NCOA3: variants seen among roughly 807,000 people sequenced by gnomAD.
The protein encoded by NCOA3 is CBP-interacting protein.
A neutral mutation model predicts 158.8 loss-of-function variants in NCOA3; 51 were observed. The observed-to-expected ratio is 0.32, with a 90% CI of 0.26 to 0.41. NCOA3 has a LOEUF of 0.41. Ranked by LOEUF, NCOA3 falls within the 10% of genes least tolerant of loss-of-function variation. NCOA3 has a pLI of 1.00. For missense variants in NCOA3, 1,510 were observed against 1,746.6 expected, an observed-to-expected ratio of 0.86 and a Z score of 2.41; for synonymous variants, 537 against 592.4, an observed-to-expected ratio of 0.91 and a Z score of 1.36.
At chr20:47,638,922 G>A in intron 13 of NCOA3, 86 bp from the exon 14 acceptor site, 1 of 1,020,982 alleles carries the variant, frequency 9.8e-7, no homozygotes, top group South Asian at 2.2e-5. Flanking sequence ...ACATTCTTGG[G>A]TGGGGAGTGG....
chr20:47,525,627 T>C (rs1315563439), intron 1 of NCOA3, among the ~76,000 whole-genome samples: 1 of 110,612 alleles, frequency 9.0e-6, no homozygotes, highest in Non-Finnish European at 1.8e-5. Context: ...CCCCCCCACC[T>C]CCCTCCCGGA....
chr20:47,581,731 G>T (rs2085456004), intron 1 of NCOA3, among the ~76,000 whole-genome samples: 1 of 152,166 alleles, frequency 6.6e-6, no homozygotes, highest in African/African-American at 2.4e-5. Flanking sequence ...GTTCTTACTG[G>T]TTCACTTATT....
chr20:47,614,460 A>G (rs928775634), intron 2 of NCOA3, among the ~76,000 whole-genome samples: 7 of 152,318 alleles, frequency 4.6e-5, no homozygotes, highest in Middle Eastern at 3.4e-3. Context: ...GTTCAGATCC[A>G]TAGCTCTTTG....
Position 47,637,724 on chromosome 20 carries a change from C to T in NCOA3, c.2453C>T (p.Ser818Phe), listed in dbSNP as rs2086538874. 6.2e-7 allele frequency: 1 copy of T among 1,612,078 alleles called. No homozygotes were observed. The highest frequency in any genetic ancestry group is 1.3e-5 in the African/African-American group (1 of 74,700). Residue 818 changes from serine to phenylalanine, a missense_variant, in exon 13 of 23, where the codon TCC becomes TTC. By Grantham distance (155) the Ser-to-Phe change is radical. This residue lies in a region of NCOA3 where 1,017 missense variants were observed against 1,098.3 expected (regional missense o/e 0.93). Transcript: ENST00000371998. Reference sequence around the variant, plus strand: ...TCTGACTTTTACAATAATTCCATATCCTCAAATGGTAGTCATCTGGGGACT... The same window carrying T: ...TCTGACTTTTACAATAATTCCATATTCTCAAATGGTAGTCATCTGGGGACT... ...TSSDFYNNSI[S>F]SNGSHLGTKQ...
chr20:47,539,604 AGTTT>A (rs2146125291), intron 1 of NCOA3, among the ~76,000 whole-genome samples: 1 of 152,328 alleles, frequency 6.6e-6, no homozygotes, highest in South Asian at 2.1e-4. Flanking sequence ...TTCATATGAT[AGTTT>A]ATGAATGGGT....
chr20:47,606,262 G>A (rs2085946302), intron 2 of NCOA3, among the ~76,000 whole-genome samples: 1 of 152,168 alleles, frequency 6.6e-6, no homozygotes, highest in Non-Finnish European at 1.5e-5. Context: ...TGGACTCCCG[G>A]TAGTCTCTGA....
At chr20:47,559,077 A>G (rs990876708) in intron 1 of NCOA3, among the ~76,000 whole-genome samples, 1 of 152,062 alleles carries the variant, frequency 6.6e-6, no homozygotes, top group African/African-American at 2.4e-5. Flanking sequence ...CTTCCCATAG[A>G]GCACTATGTG....
chr20:47,641,345 T>TTTTG (rs2086604604), intron 16 of NCOA3, among the ~76,000 whole-genome samples: 1 of 131,516 alleles, frequency 7.6e-6, no homozygotes, highest in Non-Finnish European at 1.7e-5. Flanking sequence ...TTTTTTTTTT[T>TTTTG]GAGACGGAAT....
intron 2 of NCOA3, among the ~76,000 whole-genome samples, chr20:47,592,215 T>A (rs2085654957): frequency 6.6e-6 from 1 of 152,156 alleles, no homozygotes; most frequent in Non-Finnish European, 1.5e-5. Context: ...CTAATTTTTT[T>A]TGTATTTTTA....
intron 1 of NCOA3, among the ~76,000 whole-genome samples, chr20:47,511,590 A>C: frequency 1.7e-5 from 1 of 59,382 alleles, no homozygotes. Context: ...TTGCTCTGTC[A>C]CCCAGGCTAG....
chr20:47,639,196 A>C lies in NCOA3; in HGVS notation c.2701A>C (p.Ser901Arg), dbSNP rs2086565231. 6.2e-7 allele frequency: 1 copy of C among 1,610,198 alleles called. No homozygotes were observed. The highest frequency in any genetic ancestry group is 8.5e-7 in the Non-Finnish European group (1 of 1,176,668). Residue 901 changes from serine to arginine, a missense_variant, in exon 14 of 23, where the codon AGT becomes CGT. Transcript: ENST00000371998. ...GGATAGTCAGGAAAATTATGGCTCAAGTATGGGTACGTTATTTCTAATTAG... is the reference window on the plus strand; with the variant it reads ...GGATAGTCAGGAAAATTATGGCTCACGTATGGGTACGTTATTTCTAATTAG... Reference protein sequence around the residue: ...MMDSQENYGSSMGGPNRNVTV... With the variant: ...MMDSQENYGSRMGGPNRNVTV...
intron 17 of NCOA3, among the ~76,000 whole-genome samples, chr20:47,644,144 A>G (rs555184380): frequency 1.5e-5 from 2 of 134,530 alleles, no homozygotes; most frequent in Non-Finnish European, 3.2e-5. Flanking sequence ...AATTCGTTCT[A>G]TTTTTTTTTT....
At chr20:47,538,183 T>C (rs567316890) in intron 1 of NCOA3, among the ~76,000 whole-genome samples, 3 of 152,318 alleles carry the variant, frequency 2.0e-5, no homozygotes, top group Admixed American at 6.5e-5. Flanking sequence ...CCTGGACTAA[T>C]AGGTTTTTAA....
intron 19 of NCOA3, among the ~76,000 whole-genome samples, chr20:47,650,210 G>A (rs985289328): frequency 1.3e-5 from 2 of 150,372 alleles, no homozygotes; most frequent in African/African-American, 4.9e-5. Context: ...ATAATTTTCA[G>A]GTCCCTCTTC....
At chr20:47,626,343 G>T (rs1411610182) in intron 5 of NCOA3, among the ~76,000 whole-genome samples, 1 of 152,120 alleles carries the variant, frequency 6.6e-6, no homozygotes, top group East Asian at 1.9e-4. Context: ...GCTTGACTTG[G>T]CATCAAATGG....
At chr20:47,637,905 G>A (rs1602525514) in intron 13 of NCOA3, 122 bp downstream of exon 13, 1 of 872,996 alleles carries the variant, frequency 1.1e-6, no homozygotes, top group Non-Finnish European at 1.6e-6. Flanking sequence ...CATATATTCT[G>A]CCTCTGTTTT....
At chr20:47,602,700 A>T (rs1263599220) in intron 2 of NCOA3, among the ~76,000 whole-genome samples, 1 of 152,206 alleles carries the variant, frequency 6.6e-6, no homozygotes, top group Non-Finnish European at 1.5e-5. Context: ...GGCGCTGAGA[A>T]GAAAGTTGAA....
At chr20:47,522,086 C>G (rs371377206) in intron 1 of NCOA3, among the ~76,000 whole-genome samples, 1 of 141,830 alleles carries the variant, frequency 7.1e-6, no homozygotes, top group South Asian at 2.1e-4. Flanking sequence ...TTTGTAGTTA[C>G]CATTGTACAG....
In NCOA3 at chr20:47,635,943, C is replaced by T. The variant is rs1221294513; in HGVS notation, c.1557C>T (p.Ser519=). 6.2e-7 allele frequency: 1 copy of T among 1,613,932 alleles called. No homozygotes were observed. The highest frequency in any genetic ancestry group is 1.3e-5 in the African/African-American group (1 of 74,888). Residue 519 remains serine (S), a synonymous_variant, in exon 12 of 23, where the codon TCC becomes TCT. Transcript: ENST00000371998. ...SSGNTGNHSF[S]SSSLSALQAI... ...GCAATACTGGGAACCACAGCTTTTC[C>T]AGCAGCTCTCTCAGTGCCCTGCAAG...
Sources: gnomAD v4.1 joint callset for allele counts (sites outside exome capture counted in the v4.1 genomes callset) on GRCh38, gnomAD v4.1.1 for gene constraint, gnomAD v4.1.1 regional missense constraint, MANE v1.5 for transcripts, NCBI Gene and HGNC (gene_info 2026-07-23, HGNC 2026-07-21) for gene names.